The following CACNA1E variants were observed in gnomAD, a reference collection of about 807,000 sequenced individuals.
The protein encoded by CACNA1E is calcium voltage-gated channel subunit alpha1 E, also known as voltage-dependent R-type calcium channel subunit alpha-1E.
CACNA1E carries 40 observed loss-of-function variants against 259.2 expected under a neutral mutation model. The observed-to-expected ratio is 0.15, with a 90% CI of 0.12 to 0.20. The LOEUF is 0.20. Ranked by LOEUF, CACNA1E falls within the 10% of genes least tolerant of loss-of-function variation. CACNA1E has a pLI of 1.00. For synonymous variants in CACNA1E, 1,104 were observed against 1,138.5 expected, an observed-to-expected ratio of 0.97 and a Z score of 0.61; for missense variants, 1,874 against 3,040.1, an observed-to-expected ratio of 0.62 and a Z score of 9.02.
At chr1:181,761,362 A>G (rs1658569515) in intron 32 of CACNA1E, among the ~76,000 whole-genome samples, 1 of 152,012 alleles carries the variant, frequency 6.6e-6, no homozygotes, top group Non-Finnish European at 1.5e-5. Flanking sequence ...AACATGGGAT[A>G]TTTTTCAATC....
In CACNA1E at chr1:181,513,838, T is replaced by C. The variant is rs181436488; in HGVS notation, c.512+2328T>C. Among the ~76,000 whole-genome samples, 7 of 152,270 alleles carry C rather than the reference T, an allele frequency of 4.6e-5. No homozygotes were observed. In the East Asian group the frequency reaches 1.3e-3, roughly 29 times the overall value. On this transcript the variant is annotated intron_variant, in intron 3 of 47. Transcript: ENST00000367573. ...AGGTGCTGAGCTTGGCTGAGTCAGT[T>C]GTCCTCTCTGTGCTCTCTTTCCCAT...
intron 1 of CACNA1E, among the ~76,000 whole-genome samples, chr1:181,381,303 A>G (rs538085792): frequency 6.6e-6 from 1 of 152,368 alleles, no homozygotes; most frequent in African/African-American, 2.4e-5. Context: ...AACACAATGG[A>G]ATACTATGTG....
chr1:181,459,801 G>A (rs998399488), intron 2 of CACNA1E, among the ~76,000 whole-genome samples: 4 of 152,188 alleles, frequency 2.6e-5, no homozygotes, highest in African/African-American at 9.7e-5. Flanking sequence ...CAACTCACGA[G>A]ATGCACAGGA....
At chr1:181,771,734 G>A (rs1428052062) in intron 36 of CACNA1E, 1 of 461,108 alleles carries the variant, frequency 2.2e-6, no homozygotes, top group Non-Finnish European at 3.9e-6. Flanking sequence ...TTTGGGAGGG[G>A]GGAATGTCAG....
At chr1:181,773,403 G>A (rs1435887491) in intron 37 of CACNA1E, among the ~76,000 whole-genome samples, 2 of 152,022 alleles carry the variant, frequency 1.3e-5, no homozygotes, top group Non-Finnish European at 2.9e-5. Flanking sequence ...TTAATAATAG[G>A]AACATTTTAT....
chr1:181,694,547 C>T (rs1274844974), intron 7 of CACNA1E, among the ~76,000 whole-genome samples: 2 of 152,166 alleles, frequency 1.3e-5, no homozygotes, highest in African/African-American at 4.8e-5. Flanking sequence ...TCCCACTTTC[C>T]CATGCTCTGT....
intron 3 of CACNA1E, among the ~76,000 whole-genome samples, chr1:181,533,977 G>C (rs1439773484): frequency 6.6e-6 from 1 of 151,982 alleles, no homozygotes; most frequent in African/African-American, 2.4e-5. Context: ...TATATAGGTA[G>C]AAAACTGTAT....
chr1:181,598,265 C>T (rs1653397381), intron 6 of CACNA1E, among the ~76,000 whole-genome samples: 1 of 152,194 alleles, frequency 6.6e-6, no homozygotes, highest in South Asian at 2.1e-4. Flanking sequence ...TTTGCTCCTG[C>T]CCTCAGGGAG....
chr1:181,753,266 T>G (rs1329616387), intron 27 of CACNA1E, among the ~76,000 whole-genome samples: 1 of 152,206 alleles, frequency 6.6e-6, no homozygotes, highest in East Asian at 1.9e-4. Context: ...ATCACCTGGG[T>G]ACTTCTTAAA....
intron 1 of CACNA1E, among the ~76,000 whole-genome samples, chr1:181,320,581 TTAAC>T (rs2102556711): frequency 6.6e-6 from 1 of 152,298 alleles, no homozygotes; most frequent in East Asian, 1.9e-4. Context: ...CTCAGAAAAG[TTAAC>T]TAACTTTCTC....
chr1:181,580,555 A>G, intron 5 of CACNA1E, 40 bp from the exon 6 acceptor site: 7 of 1,589,498 alleles, frequency 4.4e-6, no homozygotes, highest in Non-Finnish European at 6.0e-6. Flanking sequence ...CATGCGAAAC[A>G]CCATGTGATT....
chr1:181,615,886 C>G (rs976581603), intron 6 of CACNA1E, among the ~76,000 whole-genome samples: 2 of 152,164 alleles, frequency 1.3e-5, no homozygotes, highest in Non-Finnish European at 2.9e-5. Context: ...TATAGACACC[C>G]TTTTTAGGAC....
intron 1 of CACNA1E, among the ~76,000 whole-genome samples, chr1:181,411,166 A>G (rs909190364): frequency 6.6e-6 from 1 of 152,202 alleles, no homozygotes; most frequent in Non-Finnish European, 1.5e-5. Context: ...TGGTAAGTTC[A>G]GGCCCTCTCA....
chr1:181,610,448 G>T (rs1464217269), intron 6 of CACNA1E, among the ~76,000 whole-genome samples: 4 of 152,198 alleles, frequency 2.6e-5, no homozygotes, highest in Non-Finnish European at 4.4e-5. Context: ...ACTTTGCGTG[G>T]TCTATAAAAG....
At chr1:181,709,405 A>G (rs1653113000) in intron 7 of CACNA1E, among the ~76,000 whole-genome samples, 1 of 152,158 alleles carries the variant, frequency 6.6e-6, no homozygotes, top group Non-Finnish European at 1.5e-5. Context: ...CTTCTGCCTG[A>G]TTGTAAGCAG....
intron 3 of CACNA1E, among the ~76,000 whole-genome samples, chr1:181,548,230 T>C (rs1264891712): frequency 6.6e-6 from 1 of 151,546 alleles, no homozygotes; most frequent in Admixed American, 6.6e-5. Flanking sequence ...GCTCAAGCGA[T>C]TCTCCTGCCT....
rs1292328639 is a variant in CACNA1E, at chr1:181,805,148, C to T, written c.*6314C>T. ...ATGGATTGCTGTCTACATTCTACAA[C>T]CAGACCCTAGACTTTATACCAGGCT... On this transcript the variant is annotated 3_prime_UTR_variant, in exon 48 of 48. Transcript: ENST00000367573. 2.0e-5 allele frequency: 3 copies of T among 152,150 alleles called. No individual in the cohort carries two copies. 9.4% of individuals were successfully genotyped at this position (152,150 alleles called of 1,614,324 possible). A position where few individuals can be genotyped will look rare whatever the true frequency, so the allele number is the denominator to read the frequency against.
intron 1 of CACNA1E, among the ~76,000 whole-genome samples, chr1:181,383,821 G>A (rs1655637677): frequency 6.6e-6 from 1 of 152,188 alleles, no homozygotes; most frequent in African/African-American, 2.4e-5. Context: ...TAGGCAAAAG[G>A]GATGTGTGGC....
chr1:181,595,222 C>T (rs1476928329), intron 6 of CACNA1E, among the ~76,000 whole-genome samples: 2 of 152,044 alleles, frequency 1.3e-5, no homozygotes, highest in African/African-American at 4.8e-5. Flanking sequence ...GAGCTTGATT[C>T]CTTCCCCAGG....
Sources: allele counts gnomAD v4.1 joint callset (sites outside exome capture counted in the v4.1 genomes callset), GRCh38; gene constraint gnomAD v4.1.1; transcripts MANE v1.5; gene names NCBI Gene and HGNC (gene_info 2026-07-23, HGNC 2026-07-21).